PIAS1: variants seen among roughly 807,000 people sequenced by gnomAD.
PIAS1 encodes the protein protein inhibitor of activated STAT 1, also known as E3 SUMO-protein ligase PIAS1.
PIAS1 carries 6 observed loss-of-function variants against 71.3 expected under a neutral mutation model. The observed-to-expected ratio is 0.08, with a 90% CI of 0.05 to 0.17. The LOEUF is 0.17. Among genes scored for constraint, PIAS1 ranks in the 10% least tolerant of loss-of-function variants. The pLI, the probability that PIAS1 is intolerant of heterozygous loss-of-function variation, is 1.00. For missense variants in PIAS1, 555 were observed against 793.6 expected, an observed-to-expected ratio of 0.70 and a Z score of 3.61; for synonymous variants, 303 against 292.9, an observed-to-expected ratio of 1.03 and a Z score of -0.35.
intron 1 of PIAS1, among the ~76,000 whole-genome samples, chr15:68,076,563 C>A (rs558486978): frequency 2.0e-5 from 3 of 152,032 alleles, no homozygotes; most frequent in Non-Finnish European, 2.9e-5. Context: ...TCATCTTAAT[C>A]GCAAATAGTT....
Position 68,176,759 on chromosome 15 carries a change from C to T in PIAS1, c.1481+105C>T, listed in dbSNP as rs1470459713. 3.6e-6 allele frequency: 3 copies of T among 824,646 alleles called. No individual in the cohort carries two copies. In the Admixed American group the frequency reaches 9.3e-5, roughly 26 times the overall value. The allele number at this position is 824,646 out of a possible 1,614,324, so 51.1% of individuals were successfully genotyped here. On this transcript the variant is annotated intron_variant, in intron 11 of 13. Transcript: ENST00000249636. ...AATGATTCTTGATTGTGAAACTTAA[C>T]TTAGCAATCAAAGAATAGTTTGAAT... is the stretch of plus-strand genomic sequence containing the variant.
chr15:68,101,019 C>T (rs1161706166), intron 2 of PIAS1, among the ~76,000 whole-genome samples: 1 of 151,940 alleles, frequency 6.6e-6, no homozygotes, highest in Non-Finnish European at 1.5e-5. Context: ...CCTCTCAAGC[C>T]TCCCAGGTAG....
At chr15:68,089,962 C>T (rs931461705) in intron 2 of PIAS1, among the ~76,000 whole-genome samples, 1 of 151,980 alleles carries the variant, frequency 6.6e-6, no homozygotes, top group Non-Finnish European at 1.5e-5. Flanking sequence ...TCACTGCAAC[C>T]TCTGTCTTTC....
rs1404201223 is a variant in PIAS1 at position 68,193,478 on chromosome 15, A to ATAAG, written c.*5645_*5648dup. ...CTCTGGCACTGCAAGAATTGTTGTC[A>ATAAG]TAAGTGTTACAGCTTTCTGTTCATT... On this transcript the variant is annotated 3_prime_UTR_variant, in exon 14 of 14. Coordinates refer to ENST00000249636, the MANE Select transcript of PIAS1 (RefSeq NM_016166.3). 1.3e-5 allele frequency: 2 copies of ATAAG among 152,948 alleles called. No individual in the cohort carries two copies. The highest frequency in any genetic ancestry group is 1.3e-4 in the Admixed American group (2 of 15,410). The allele number at this position is 152,948 out of a possible 1,614,324, so 9.5% of individuals were successfully genotyped here. A position where few individuals can be genotyped will look rare whatever the true frequency, so the allele number is the denominator to read the frequency against.
intron 11 of PIAS1, among the ~76,000 whole-genome samples, chr15:68,179,561 G>GTTTTTTTTT (rs1307028845): frequency 5.3e-4 from 16 of 30,178 alleles, no homozygotes; most frequent in African/African-American, 6.9e-4. Context: ...CTCGTGAAAT[G>GTTTTTTTTT]TTCTTTTTTT....
chr15:68,135,147 A>AC (rs1235236113), intron 2 of PIAS1, among the ~76,000 whole-genome samples: 9 of 27,630 alleles, frequency 3.3e-4, no homozygotes, highest in African/African-American at 5.4e-4. Flanking sequence ...GCGGGGGCTG[A>AC]CCCCCCCACC....
intron 2 of PIAS1, among the ~76,000 whole-genome samples, chr15:68,098,491 A>G (rs961897037): frequency 3.3e-5 from 5 of 152,202 alleles, no homozygotes; most frequent in African/African-American, 9.6e-5. Flanking sequence ...GGACCCACAC[A>G]GTTAAAATCT....
chr15:68,151,655 A>G (rs1014247136), intron 6 of PIAS1, among the ~76,000 whole-genome samples: 1 of 116,514 alleles, frequency 8.6e-6, no homozygotes, highest in African/African-American at 3.3e-5. Flanking sequence ...CCCCATCTCT[A>G]CTAAAAACAA....
chr15:68,161,336 G>C (rs548832216), intron 7 of PIAS1, among the ~76,000 whole-genome samples: 40 of 152,302 alleles, frequency 2.6e-4, no homozygotes, highest in African/African-American at 9.1e-4. Flanking sequence ...CTTGCTAAGA[G>C]ATTGAAAGAT....
chr15:68,187,680 C>G lies in PIAS1; in HGVS notation c.1801C>G (p.Leu601Val). 6.2e-7 allele frequency: 1 copy of G among 1,614,036 alleles called. No individual in the cohort carries two copies. Among genetic ancestry groups the G allele is most frequent in the Non-Finnish European group, 8.5e-7 (1 of 1,179,904 alleles). ...DQLSAGGSTSLPTTNGSSSGS... is the reference protein window; with the variant it reads ...DQLSAGGSTSVPTTNGSSSGS... ...GTTAAGTGCAGGAGGCAGTACTTCT[C>G]TGCCAACCACCAATGGAAGCAGTAG... The change falls in exon 14 of 14, where the codon CTG becomes GTG. Residue 601 changes from leucine to valine, a missense_variant. Coordinates refer to ENST00000249636, the MANE Select transcript of PIAS1 (RefSeq NM_016166.3). This position sits in a 1 kb window ranked among gnomAD's most constrained non-coding sequence, Gnocchi z 5.3.
At chr15:68,141,874 T>TGTG (rs113300929) in intron 2 of PIAS1, 72 bp from the exon 3 acceptor site, 2 of 588,170 alleles carry the variant, frequency 3.4e-6, no homozygotes, top group Admixed American at 3.4e-5. Flanking sequence ...GACATGTGTG[T>TGTG]TTTTTTTTTT....
At chr15:68,104,190 C>T (rs2092451221) in intron 2 of PIAS1, among the ~76,000 whole-genome samples, 1 of 152,104 alleles carries the variant, frequency 6.6e-6, no homozygotes. Flanking sequence ...TAGCACGTAC[C>T]TGGCTTTTTA....
At chr15:68,060,433 T>G (rs963704745) in intron 1 of PIAS1, among the ~76,000 whole-genome samples, 10 of 151,766 alleles carry the variant, frequency 6.6e-5, no homozygotes, top group Non-Finnish European at 1.2e-4. Flanking sequence ...ACCAACATGG[T>G]GAAACCCTAT....
At chr15:68,072,831 C>G (rs1214823026) in intron 1 of PIAS1, among the ~76,000 whole-genome samples, 2 of 152,048 alleles carry the variant, frequency 1.3e-5, no homozygotes, top group Non-Finnish European at 2.9e-5. Context: ...TTAACATTTT[C>G]TGCAATTGAA....
intron 2 of PIAS1, among the ~76,000 whole-genome samples, chr15:68,125,027 T>G (rs745492463): frequency 8.5e-5 from 13 of 152,230 alleles, no homozygotes; most frequent in Non-Finnish European, 1.6e-4. Flanking sequence ...ATATTGTAAT[T>G]TTGTTTGGAT....
At chr15:68,177,193 C>T (rs1176939244) in intron 11 of PIAS1, among the ~76,000 whole-genome samples, 3 of 149,462 alleles carry the variant, frequency 2.0e-5, no homozygotes, top group African/African-American at 5.0e-5. Flanking sequence ...GCAGGAGAAT[C>T]GCTTGAACCC....
chr15:68,063,904 T>A (rs938190504), intron 1 of PIAS1, among the ~76,000 whole-genome samples: 1 of 55,738 alleles, frequency 1.8e-5, no homozygotes, highest in African/African-American at 9.3e-5. Flanking sequence ...ACTGTGCACT[T>A]GGAATTAAAA....
intron 11 of PIAS1, among the ~76,000 whole-genome samples, chr15:68,180,085 C>T (rs1226422087): frequency 1.3e-5 from 2 of 151,868 alleles, no homozygotes; most frequent in Non-Finnish European, 1.5e-5. Context: ...TTTTTCTTTT[C>T]AAAATTAGCT....
At chr15:68,183,283 T>C (rs558726517) in intron 12 of PIAS1, among the ~76,000 whole-genome samples, 2 of 152,326 alleles carry the variant, frequency 1.3e-5, no homozygotes, top group South Asian at 4.1e-4. Context: ...GAAGTGCTTG[T>C]GAGGAGTAAC....
Sources: allele counts gnomAD v4.1 joint callset (sites outside exome capture counted in the v4.1 genomes callset), GRCh38; gene constraint gnomAD v4.1.1; non-coding constraint Gnocchi (gnomAD v3.1); transcripts MANE v1.5; gene names NCBI Gene and HGNC (gene_info 2026-07-23, HGNC 2026-07-21).